Variants in IKZF2 observed in about 807,000 individuals in gnomAD.
The protein encoded by IKZF2 is IKAROS family zinc finger 2.
Under a neutral mutation model 49.2 loss-of-function variants are expected in IKZF2, and 15 were observed. The ratio of observed to expected loss-of-function variants is 0.30; its 90% CI spans 0.20 to 0.47. IKZF2 has a LOEUF of 0.47. IKZF2 is among the 20% of genes least tolerant of loss of function. The probability of loss-of-function intolerance (pLI) is 1.00; values close to 1 mark genes in which losing one functional copy is unlikely to be tolerated. For synonymous variants in IKZF2, 227 were observed against 221.4 expected, an observed-to-expected ratio of 1.03 and a Z score of -0.23; for missense variants, 567 against 664.6, an observed-to-expected ratio of 0.85 and a Z score of 1.61.
intron 4 of IKZF2, among the ~76,000 whole-genome samples, chr2:213,066,765 AATGAGC>A (rs1702203917): frequency 6.6e-6 from 1 of 152,116 alleles, no homozygotes. Flanking sequence ...CTAATGAATG[AATGAGC>A]ATTTTAAGTA....
intron 4 of IKZF2, among the ~76,000 whole-genome samples, chr2:213,098,805 G>A (rs551159360): frequency 8.5e-5 from 13 of 152,170 alleles, no homozygotes; most frequent in South Asian, 6.2e-4. Context: ...CCAGCTTCCC[G>A]GCCTTCCAAG....
chr2:213,012,708 A>G (rs939836288), intron 8 of IKZF2, among the ~76,000 whole-genome samples: 3 of 151,966 alleles, frequency 2.0e-5, no homozygotes, highest in Non-Finnish European at 2.9e-5. Context: ...TTAGTTCTTC[A>G]ATTTCAGATT....
At chr2:213,073,587 T>C (rs149757626) in intron 4 of IKZF2, among the ~76,000 whole-genome samples, 239 of 152,154 alleles carry the variant, frequency 1.6e-3, no homozygotes, top group Middle Eastern at 6.8e-3. Context: ...AACAGAAAAA[T>C]CAATGTACAC....
At chr2:213,091,462 C>T (rs1252824130) in intron 4 of IKZF2, among the ~76,000 whole-genome samples, 3 of 152,110 alleles carry the variant, frequency 2.0e-5, no homozygotes, top group Non-Finnish European at 2.9e-5. Context: ...GAAAACAGAT[C>T]TCAGGTTGTG....
At chr2:213,024,407 C>A (rs1491003611) in intron 6 of IKZF2, among the ~76,000 whole-genome samples, 1 of 152,102 alleles carries the variant, frequency 6.6e-6, no homozygotes, top group African/African-American at 2.4e-5. Context: ...TGGTGCCTAT[C>A]CGTATGCAAC....
intron 4 of IKZF2, among the ~76,000 whole-genome samples, chr2:213,085,010 T>C (rs1704409438): frequency 6.6e-6 from 1 of 152,214 alleles, no homozygotes; most frequent in Non-Finnish European, 1.5e-5. Flanking sequence ...TCACTTCTAT[T>C]ACGCTGTACG....
intron 4 of IKZF2, among the ~76,000 whole-genome samples, chr2:213,089,050 TTTGA>T: frequency 6.6e-6 from 1 of 152,136 alleles, no homozygotes; most frequent in Non-Finnish European, 1.5e-5. Context: ...GCTAAGACAT[TTTGA>T]TTAAGACTCA....
chr2:213,108,315 A>G (rs1004255353), intron 4 of IKZF2, among the ~76,000 whole-genome samples: 86 of 152,328 alleles, frequency 5.6e-4, no homozygotes, highest in African/African-American at 1.9e-3. Flanking sequence ...AATATTTTAC[A>G]TAATATAAAA....
intron 4 of IKZF2, among the ~76,000 whole-genome samples, chr2:213,096,468 T>C (rs1706011193): frequency 6.6e-6 from 1 of 151,946 alleles, no homozygotes; most frequent in South Asian, 2.1e-4. Flanking sequence ...AAACAGATAA[T>C]GTATGGATGT....
intron 4 of IKZF2, among the ~76,000 whole-genome samples, chr2:213,094,594 T>A (rs982562928): frequency 3.3e-5 from 5 of 152,142 alleles, no homozygotes; most frequent in African/African-American, 1.2e-4. Context: ...GTTAGCCAGT[T>A]GACAGCATAT....
At chr2:213,106,764 C>T (rs1416948445) in intron 4 of IKZF2, among the ~76,000 whole-genome samples, 9 of 151,676 alleles carry the variant, frequency 5.9e-5, no homozygotes, top group Admixed American at 2.6e-4. Context: ...AAAAGTGAAA[C>T]ATCTCAAGTC....
intron 4 of IKZF2, among the ~76,000 whole-genome samples, chr2:213,064,750 G>T (rs1437914353): frequency 7.0e-6 from 1 of 143,812 alleles, no homozygotes; most frequent in Non-Finnish European, 1.5e-5. Context: ...ATCTGTTTTT[G>T]CATCTTCTTG....
rs534114480 is a variant in IKZF2, at chr2:213,098,184, A to G, written c.140-41085T>C. On this transcript the variant is annotated intron_variant, in intron 4 of 8. Transcript: ENST00000434687. ...AATTGGTATGGGATGGGGTAAAAATACCAGTATTTTTTAAACATATCCAGA... is the reference window on the plus strand; with the variant it reads ...AATTGGTATGGGATGGGGTAAAAATGCCAGTATTTTTTAAACATATCCAGA... Among the ~76,000 whole-genome samples, 4 of 152,210 alleles carry G rather than the reference A, an allele frequency of 2.6e-5. No homozygotes were observed. The South Asian group carries it at 8.3e-4, about 32-fold the overall frequency.
chr2:213,053,932 T>C (rs1028047930), intron 5 of IKZF2, among the ~76,000 whole-genome samples: 10 of 152,116 alleles, frequency 6.6e-5, no homozygotes, highest in African/African-American at 2.4e-4. Context: ...ATGAATTGGA[T>C]GGTTGTGCAT....
chr2:213,128,804 C>CTTTTTTTTTTTTTT (rs1184422126), intron 4 of IKZF2, among the ~76,000 whole-genome samples: 82 of 113,192 alleles, frequency 7.2e-4, no homozygotes, highest in South Asian at 1.5e-3. Context: ...ATTTTTTTTT[C>CTTTTTTTTTTTTTT]TTTTTTTTTT....
rs1016578795 is a variant in IKZF2 at position 213,150,073 on chromosome 2, A to G, written c.-16+71T>C. The G allele has an allele frequency of 3.5e-6, 3 of 852,124 alleles. No homozygotes were observed. The Admixed American group carries it at 8.0e-5, about 23-fold the overall frequency. 52.8% of individuals were successfully genotyped at this position (852,124 alleles called of 1,614,324 possible). A position where few individuals can be genotyped will look rare whatever the true frequency, so the allele number is the denominator to read the frequency against. ...CGAAAGAAGGCTGCCCCATCAATGA[A>G]ATGGTTATTAACCCTCAGAGAAGGA... On this transcript the variant is annotated intron_variant, in intron 2 of 8. Coordinates refer to ENST00000434687, the MANE Select transcript of IKZF2 (RefSeq NM_001387220.1).
At chr2:213,080,469 T>G (rs1703825177) in intron 4 of IKZF2, among the ~76,000 whole-genome samples, 1 of 152,122 alleles carries the variant, frequency 6.6e-6, no homozygotes, top group Non-Finnish European at 1.5e-5. Context: ...GAGCAACAGT[T>G]ATGAAACTGC....
chr2:213,105,928 C>G (rs2059509435), intron 4 of IKZF2, among the ~76,000 whole-genome samples: 1 of 152,146 alleles, frequency 6.6e-6, no homozygotes. Flanking sequence ...TTGTTTTACA[C>G]TGACTTAAGT....
At chr2:213,025,054 A>G (rs919435406) in intron 6 of IKZF2, among the ~76,000 whole-genome samples, 9 of 152,170 alleles carry the variant, frequency 5.9e-5, no homozygotes, top group African/African-American at 2.2e-4. Flanking sequence ...ATTTTTGAAA[A>G]GTCAGTGGTC....
Sources: gnomAD v4.1 joint callset for allele counts (sites outside exome capture counted in the v4.1 genomes callset) on GRCh38, gnomAD v4.1.1 for gene constraint, MANE v1.5 for transcripts, NCBI Gene and HGNC (gene_info 2026-07-23, HGNC 2026-07-21) for gene names.